The following AFG2A variants were observed in gnomAD, a reference collection of about 807,000 sequenced individuals.
AFG2A encodes AAA ATPase AFG2A, also known as ATPase family gene 2 protein homolog A.
At chr4:123,307,383 CACACACAA>C in the AFG2A span, among the ~76,000 whole-genome samples, 6 of 152,084 alleles carry the variant, frequency 3.9e-5, no homozygotes, top group Non-Finnish European at 5.9e-5. Flanking sequence ...GATACACACA[CACACACAA>C]ACACACAAAC....
chr4:123,078,374 T>A, the AFG2A span, among the ~76,000 whole-genome samples: 1 of 152,208 alleles, frequency 6.6e-6, no homozygotes, highest in South Asian at 2.1e-4. Flanking sequence ...ACATATGAGG[T>A]GTGTAGTATT....
At chr4:123,171,773 C>T in the AFG2A span, among the ~76,000 whole-genome samples, 1 of 152,016 alleles carries the variant, frequency 6.6e-6, no homozygotes, top group African/African-American at 2.4e-5. Flanking sequence ...TGTATTTTTC[C>T]ATAAATGCTT....
At chr4:123,059,943 A>G in the AFG2A span, among the ~76,000 whole-genome samples, 3 of 152,112 alleles carry the variant, frequency 2.0e-5, no homozygotes, top group African/African-American at 7.2e-5. Flanking sequence ...TTGGCTGCAT[A>G]AATGTCTTTT....
the AFG2A span, among the ~76,000 whole-genome samples, chr4:123,107,955 CAGG>C: frequency 6.6e-6 from 1 of 152,174 alleles, no homozygotes; most frequent in African/African-American, 2.4e-5. Flanking sequence ...CCTGCAGGGG[CAGG>C]AGGGCTTCCC....
chr4:123,077,046 GTTTT>G, the AFG2A span, among the ~76,000 whole-genome samples: 132 of 108,550 alleles, frequency 1.2e-3, no homozygotes, highest in African/African-American at 5.0e-3. Context: ...TCCTGTTGTT[GTTTT>G]TTTTTTTTTT....
chr4:122,985,587 C>T, the AFG2A span, among the ~76,000 whole-genome samples: 8 of 151,942 alleles, frequency 5.3e-5, no homozygotes, highest in Non-Finnish European at 1.0e-4. Flanking sequence ...TTCATAGTAG[C>T]CTTGAATGAT....
the AFG2A span, among the ~76,000 whole-genome samples, chr4:123,189,389 C>A: frequency 6.6e-6 from 1 of 152,308 alleles, no homozygotes; most frequent in East Asian, 1.9e-4. Context: ...CTCATTTTCT[C>A]ATAAATTGTT....
chr4:123,090,749 C>G, the AFG2A span: 1 of 1,582,796 alleles, frequency 6.3e-7, no homozygotes, highest in Non-Finnish European at 8.6e-7. Context: ...CAAGAACTGG[C>G]TTGTTTGATT....
the AFG2A span, among the ~76,000 whole-genome samples, chr4:123,275,477 T>C: frequency 6.6e-6 from 1 of 152,104 alleles, no homozygotes; most frequent in African/African-American, 2.4e-5. Context: ...GACATATGCC[T>C]TGGTTTTCCT....
At chr4:122,944,687 GTTCC>G in the AFG2A span, among the ~76,000 whole-genome samples, 5,114 of 152,254 alleles carry the variant, frequency 0.034, 276 homozygotes, top group African/African-American at 0.11. Context: ...GAGGAACTGC[GTTCC>G]TTTGGAAGAG....
At chr4:123,001,500 T>G in the AFG2A span, among the ~76,000 whole-genome samples, 2 of 151,668 alleles carry the variant, frequency 1.3e-5, no homozygotes, top group East Asian at 3.9e-4. Context: ...TCTGGTATGT[T>G]GTGTCTTTGT....
the AFG2A span, among the ~76,000 whole-genome samples, chr4:123,238,937 G>GA: frequency 1.3e-5 from 2 of 152,032 alleles, no homozygotes; most frequent in Non-Finnish European, 2.9e-5. Flanking sequence ...TAAAAACCTT[G>GA]AAAAAAGGTG....
At chr4:123,302,190 A>G in the AFG2A span, among the ~76,000 whole-genome samples, 4 of 152,136 alleles carry the variant, frequency 2.6e-5, no homozygotes, top group African/African-American at 9.7e-5. Context: ...AGACTTGGGG[A>G]GGAGTCTTGA....
chr4:123,153,989 G>A, the AFG2A span, among the ~76,000 whole-genome samples: 3 of 152,176 alleles, frequency 2.0e-5, no homozygotes, highest in South Asian at 2.1e-4. Flanking sequence ...ATATGAAAGT[G>A]TAGTAAAGAC....
At chr4:122,990,237 ATT>A in the AFG2A span, among the ~76,000 whole-genome samples, 1 of 152,240 alleles carries the variant, frequency 6.6e-6, no homozygotes, top group South Asian at 2.1e-4. Context: ...TTGTGAAGGT[ATT>A]TTCAAGTGTG....
chr4:123,083,887 G>T, the AFG2A span, among the ~76,000 whole-genome samples: 2 of 152,050 alleles, frequency 1.3e-5, no homozygotes, highest in African/African-American at 4.8e-5. Flanking sequence ...TAGAGAACTG[G>T]TGTAATTTTT....
the AFG2A span, among the ~76,000 whole-genome samples, chr4:123,181,595 AC>A: frequency 4.6e-5 from 7 of 152,082 alleles, no homozygotes; most frequent in Non-Finnish European, 1.0e-4. Context: ...AGAGAGTCAG[AC>A]CCTGTCTCAA....
At chr4:123,198,304 G>A in the AFG2A span, among the ~76,000 whole-genome samples, 1 of 151,394 alleles carries the variant, frequency 6.6e-6, no homozygotes, top group Admixed American at 6.6e-5. Flanking sequence ...TGGAGTCACC[G>A]AGCATGTAGC....
the AFG2A span, among the ~76,000 whole-genome samples, chr4:123,103,446 C>T: frequency 6.6e-6 from 1 of 151,998 alleles, no homozygotes; most frequent in Non-Finnish European, 1.5e-5. Context: ...ATGTATTTTA[C>T]ACAATACTAG....
Sources: allele counts gnomAD v4.1 joint callset (sites outside exome capture counted in the v4.1 genomes callset), GRCh38; gene constraint gnomAD v4.1.1; transcripts MANE v1.5; gene names NCBI Gene and HGNC (gene_info 2026-07-23, HGNC 2026-07-21).